Variants in EFCAB11 observed in about 807,000 individuals in gnomAD.
The protein encoded by EFCAB11 is EF-hand calcium binding domain 11.
Under a neutral mutation model 23.0 loss-of-function variants are expected in EFCAB11, and 14 were observed. That is an observed-to-expected ratio of 0.61 (90% CI 0.40 to 0.95). The LOEUF is 0.95. Among genes scored for constraint, EFCAB11 ranks in the 40% least tolerant of loss-of-function variants. The pLI, the probability that EFCAB11 is intolerant of heterozygous loss-of-function variation, is 0.00. For synonymous variants in EFCAB11, 65 were observed against 66.6 expected (o/e 0.98, Z 0.11); for missense variants, 198 against 195.8 (o/e 1.01, Z -0.07).
intron 5 of EFCAB11, among the ~76,000 whole-genome samples, chr14:89,874,021 C>A (rs574606848): frequency 1.3e-5 from 2 of 152,328 alleles, no homozygotes; most frequent in African/African-American, 4.8e-5. Flanking sequence ...TCTGCATTGC[C>A]CTAGCAGAGG....
chr14:89,817,969 G>A (rs1886387567), intron 5 of EFCAB11, among the ~76,000 whole-genome samples: 1 of 151,478 alleles, frequency 6.6e-6, no homozygotes, highest in South Asian at 2.1e-4. Flanking sequence ...ACTCCAGCCT[G>A]GGTGACAGAG....
chr14:89,857,818 T>A (rs1349018094), intron 5 of EFCAB11, among the ~76,000 whole-genome samples: 1 of 152,316 alleles, frequency 6.6e-6, no homozygotes, highest in African/African-American at 2.4e-5. Flanking sequence ...AAATGATATC[T>A]TTTTATTCTA....
At chr14:89,910,536 G>A (rs1889644188) in intron 5 of EFCAB11, among the ~76,000 whole-genome samples, 1 of 152,180 alleles carries the variant, frequency 6.6e-6, no homozygotes, top group Non-Finnish European at 1.5e-5. Context: ...GGCGGAGACT[G>A]CAGTGAGCAG....
At chr14:89,852,666 G>T (rs1887633302) in intron 5 of EFCAB11, among the ~76,000 whole-genome samples, 2 of 152,084 alleles carry the variant, frequency 1.3e-5, no homozygotes, top group Non-Finnish European at 2.9e-5. Flanking sequence ...TCTCGATGTG[G>T]ACTCTTTCTA....
At chr14:89,893,935 T>C (rs939292656) in intron 5 of EFCAB11, among the ~76,000 whole-genome samples, 1 of 152,068 alleles carries the variant, frequency 6.6e-6, no homozygotes, top group African/African-American at 2.4e-5. Flanking sequence ...AACATCTCAA[T>C]AGATACAGAA....
At chr14:89,840,729 C>A (rs1314755221) in intron 5 of EFCAB11, among the ~76,000 whole-genome samples, 1 of 152,132 alleles carries the variant, frequency 6.6e-6, no homozygotes, top group Non-Finnish European at 1.5e-5. Context: ...GATTTTTCTA[C>A]ATAGGGATCT....
intron 3 of EFCAB11, among the ~76,000 whole-genome samples, chr14:89,943,400 C>T (rs1292548629): frequency 6.6e-6 from 1 of 151,824 alleles, no homozygotes; most frequent in Admixed American, 6.6e-5. Flanking sequence ...TACCATCAGG[C>T]CTGGCTCATT....
intron 5 of EFCAB11, among the ~76,000 whole-genome samples, chr14:89,817,314 G>A (rs375433947): frequency 1.3e-5 from 2 of 152,114 alleles, no homozygotes; most frequent in East Asian, 1.9e-4. Flanking sequence ...TCAGGAGTTC[G>A]AGACCAGCCA....
intron 3 of EFCAB11, among the ~76,000 whole-genome samples, chr14:89,938,964 A>C (rs1185643911): frequency 7.0e-6 from 1 of 142,606 alleles, no homozygotes; most frequent in Non-Finnish European, 1.5e-5. Flanking sequence ...CAACAACAAC[A>C]ACAAAGCAAA....
At chr14:89,808,800 A>G (rs1355049400) in intron 5 of EFCAB11, among the ~76,000 whole-genome samples, 1 of 152,230 alleles carries the variant, frequency 6.6e-6, no homozygotes, top group African/African-American at 2.4e-5. Context: ...AAGGGCTTTT[A>G]ACAAGAGAAT....
intron 3 of EFCAB11, among the ~76,000 whole-genome samples, chr14:89,943,952 A>G (rs549656973): frequency 2.6e-5 from 4 of 152,324 alleles, no homozygotes; most frequent in East Asian, 3.9e-4. Context: ...CTAGTTAAGG[A>G]AAGAAAACAT....
chr14:89,949,960 C>A, intron 3 of EFCAB11, 137 bp downstream of exon 3: 1 of 922,982 alleles, frequency 1.1e-6, no homozygotes, highest in Non-Finnish European at 1.6e-6. Flanking sequence ...AAAAACCCGC[C>A]CCCATGATTC....
intron 3 of EFCAB11, among the ~76,000 whole-genome samples, chr14:89,947,359 T>A (rs1411592536): frequency 6.6e-6 from 1 of 152,202 alleles, no homozygotes; most frequent in African/African-American, 2.4e-5. Context: ...TAGATCATTC[T>A]GCTAAGCTTG....
intron 3 of EFCAB11, among the ~76,000 whole-genome samples, chr14:89,946,015 C>A (rs1890969944): frequency 6.6e-6 from 1 of 151,340 alleles, no homozygotes; most frequent in Admixed American, 6.6e-5. Context: ...ACCTCCTGGG[C>A]TCAAATGATT....
At chr14:89,898,364 T>C (rs746063704) in intron 5 of EFCAB11, among the ~76,000 whole-genome samples, 2 of 151,840 alleles carry the variant, frequency 1.3e-5, no homozygotes, top group Non-Finnish European at 2.9e-5. Context: ...TTTTTGTTTT[T>C]GTTTTGTTTT....
At chr14:89,932,203 G>A (rs1596462307) in intron 4 of EFCAB11, among the ~76,000 whole-genome samples, 1 of 152,108 alleles carries the variant, frequency 6.6e-6, no homozygotes, top group Non-Finnish European at 1.5e-5. Flanking sequence ...AAGAGTTGAT[G>A]AAGAAGCCAC....
At chr14:89,952,938 T>TACA (rs1891224184) in intron 2 of EFCAB11, among the ~76,000 whole-genome samples, 1 of 152,106 alleles carries the variant, frequency 6.6e-6, no homozygotes, top group Non-Finnish European at 1.5e-5. Context: ...AAGAAGGGTG[T>TACA]TGTCTCTCGA....
At chr14:89,902,843 A>G (rs1889383951) in intron 5 of EFCAB11, among the ~76,000 whole-genome samples, 1 of 152,176 alleles carries the variant, frequency 6.6e-6, no homozygotes, top group African/African-American at 2.4e-5. Flanking sequence ...TCTGTTACTA[A>G]AGCTATTACA....
chr14:89,929,369 T>C (rs1890311310), intron 5 of EFCAB11, among the ~76,000 whole-genome samples: 1 of 152,054 alleles, frequency 6.6e-6, no homozygotes. Context: ...TTTTTAATAA[T>C]TGTGTGCTAA....
Sources: allele counts gnomAD v4.1 joint callset (sites outside exome capture counted in the v4.1 genomes callset), GRCh38; gene constraint gnomAD v4.1.1; transcripts MANE v1.5; gene names NCBI Gene and HGNC (gene_info 2026-07-23, HGNC 2026-07-21).